The following SLC25A13 variants were observed in gnomAD, a reference collection of about 807,000 sequenced individuals.
The protein encoded by SLC25A13 is electrogenic aspartate/glutamate antiporter SLC25A13, mitochondrial.
Under a neutral mutation model 85.5 loss-of-function variants are expected in SLC25A13, and 70 were observed. That is an observed-to-expected ratio of 0.82 (90% CI 0.68 to 1.00). The LOEUF is 1.00. SLC25A13 is among the 50% of genes least tolerant of loss of function. SLC25A13 has a pLI of 0.00. For synonymous variants in SLC25A13, 259 were observed against 288.7 expected (o/e 0.90, Z 1.04); for missense variants, 765 against 819.8 (o/e 0.93, Z 0.82).
chr7:96,242,284 T>C (rs1028005523), intron 3 of SLC25A13, among the ~76,000 whole-genome samples: 3 of 152,214 alleles, frequency 2.0e-5, no homozygotes, highest in African/African-American at 7.2e-5. Flanking sequence ...TCTCCTGTGA[T>C]CACCAGTTTA....
intron 13 of SLC25A13, among the ~76,000 whole-genome samples, chr7:96,166,719 A>G (rs1793762550): frequency 6.6e-6 from 1 of 152,198 alleles, no homozygotes. Flanking sequence ...AGCAATAAAA[A>G]CAATATATTC....
intron 11 of SLC25A13, among the ~76,000 whole-genome samples, chr7:96,173,013 C>T (rs1794071738): frequency 6.6e-6 from 1 of 152,254 alleles, no homozygotes; most frequent in Non-Finnish European, 1.5e-5. Context: ...CTGCCTTGGC[C>T]TTCCAAAGTG....
chr7:96,306,372 G>C (rs1423525343), intron 1 of SLC25A13, among the ~76,000 whole-genome samples: 1 of 152,236 alleles, frequency 6.6e-6, no homozygotes, highest in Non-Finnish European at 1.5e-5. Flanking sequence ...TGACAGCCCA[G>C]TGCTTCTGGC....
chr7:96,191,370 T>C, intron 6 of SLC25A13, 123 bp from the exon 7 acceptor site: 1 of 1,029,678 alleles, frequency 9.7e-7, no homozygotes, highest in Non-Finnish European at 1.4e-6. Flanking sequence ...AAGAAATGAC[T>C]ATAAGTATTT....
intron 11 of SLC25A13, among the ~76,000 whole-genome samples, chr7:96,181,499 G>A (rs1415676693): frequency 6.6e-6 from 1 of 152,188 alleles, no homozygotes; most frequent in Non-Finnish European, 1.5e-5. Flanking sequence ...AACAGCTTCT[G>A]ATATTCTTGT....
intron 5 of SLC25A13, among the ~76,000 whole-genome samples, chr7:96,204,604 C>T (rs1795390122): frequency 6.6e-6 from 1 of 152,112 alleles, no homozygotes; most frequent in Non-Finnish European, 1.5e-5. Context: ...GAATACCTGC[C>T]ATTAGGGTTT....
chr7:96,276,994 T>C (rs1349714940), intron 3 of SLC25A13, among the ~76,000 whole-genome samples: 1 of 152,134 alleles, frequency 6.6e-6, no homozygotes, highest in Admixed American at 6.5e-5. Flanking sequence ...GAGTCAAATA[T>C]ATACATATTG....
chr7:96,297,335 A>G (rs996979098), intron 1 of SLC25A13, among the ~76,000 whole-genome samples: 3 of 151,408 alleles, frequency 2.0e-5, no homozygotes, highest in Admixed American at 2.0e-4. Flanking sequence ...AAGAGAACAT[A>G]TTTCTTTTTT....
chr7:96,122,132 T>A, intron 15 of SLC25A13, 135 bp from the exon 16 acceptor site: 1 of 1,141,784 alleles, frequency 8.8e-7, no homozygotes, highest in Non-Finnish European at 1.3e-6. Flanking sequence ...CTGTCCTCTA[T>A]GGGAAATGCA....
At chr7:96,296,631 C>A (rs994885531) in intron 2 of SLC25A13, among the ~76,000 whole-genome samples, 2 of 152,066 alleles carry the variant, frequency 1.3e-5, no homozygotes, top group Non-Finnish European at 2.9e-5. Flanking sequence ...CAGGCACGTG[C>A]CACCACACCT....
intron 11 of SLC25A13, among the ~76,000 whole-genome samples, 177 bp from the exon 12 acceptor site, chr7:96,171,701 C>T (rs555465094): frequency 3.3e-5 from 5 of 152,216 alleles, no homozygotes; most frequent in Admixed American, 6.5e-5. Context: ...TTCTAACAGC[C>T]GCATCAGTCC....
intron 1 of SLC25A13, among the ~76,000 whole-genome samples, chr7:96,319,043 C>T (rs1253757172): frequency 2.0e-5 from 3 of 152,180 alleles, no homozygotes; most frequent in African/African-American, 7.2e-5. Context: ...CAGAATCAAC[C>T]GATAAAGGTG....
At position 96,199,232 on chromosome 7, in the gene SLC25A13, G is replaced by C. The variant is rs185176377; in HGVS notation, c.469-6049C>G. ...TGCATCCAGGCAGTCGGCTTCTGGA[G>C]CCATGATGTTAGCCTACACAGACTG... On this transcript the variant is annotated intron_variant, in intron 5 of 17. Transcript: ENST00000265631. Among the ~76,000 whole-genome samples, 10 of 152,274 alleles carry C rather than the reference G, an allele frequency of 6.6e-5. No individual in the cohort carries two copies. In the South Asian group the frequency reaches 2.1e-3, roughly 32 times the overall value.
intron 5 of SLC25A13, among the ~76,000 whole-genome samples, chr7:96,201,977 G>A (rs1040346501): frequency 6.6e-6 from 1 of 152,108 alleles, no homozygotes. Context: ...ACCGTCACCC[G>A]GGAGCAGCAG....
chr7:96,148,811 G>C lies in SLC25A13; in HGVS notation c.1312-2115C>G, dbSNP rs145772828. On this transcript the variant is annotated intron_variant, in intron 13 of 17. Transcript: ENST00000265631. ...CCAAGCACTGCCAACAGCAGGGAAG[G>C]AGGCAGTTGAGTGTCCCACATGAAG... 2.8e-3 allele frequency among the ~76,000 whole-genome samples: 425 copies of C among 152,290 alleles called. 1 individual carries two copies. The highest frequency in any genetic ancestry group is 4.0e-3 in the Non-Finnish European group (274 of 68,008).
chr7:96,281,892 G>C (rs188058184), intron 2 of SLC25A13, among the ~76,000 whole-genome samples: 6 of 152,234 alleles, frequency 3.9e-5, no homozygotes, highest in African/African-American at 7.2e-5. Flanking sequence ...ACATGTCAAA[G>C]GTTGCTCCTT....
intron 2 of SLC25A13, among the ~76,000 whole-genome samples, chr7:96,291,464 C>T (rs548937114): frequency 6.6e-6 from 1 of 152,168 alleles, no homozygotes; most frequent in Admixed American, 6.5e-5. Flanking sequence ...CACAAAAAAC[C>T]CTTCCAAAAA....
In SLC25A13 at chr7:96,189,406, C is replaced by G. The variant is rs764936968; in HGVS notation, c.849-28G>C. On this transcript the variant is annotated intron_variant, in intron 8 of 17. Transcript: ENST00000265631. ...GTAGGGGAAAAACAAACACAAGCAA[C>G]AAATATACCAATTTATTACAATTTA... 5 of 1,592,488 alleles carry G rather than the reference C, an allele frequency of 3.1e-6. No individual in the cohort carries two copies. In the South Asian group the frequency reaches 5.5e-5, roughly 18 times the overall value.
chr7:96,128,232 G>A (rs1349485931), intron 15 of SLC25A13, among the ~76,000 whole-genome samples: 3 of 151,802 alleles, frequency 2.0e-5, no homozygotes, highest in African/African-American at 7.3e-5. Flanking sequence ...TTGATTTTCA[G>A]GTAAATAATC....
Sources: gnomAD v4.1 joint callset for allele counts (sites outside exome capture counted in the v4.1 genomes callset) on GRCh38, gnomAD v4.1.1 for gene constraint, MANE v1.5 for transcripts, NCBI Gene and HGNC (gene_info 2026-07-23, HGNC 2026-07-21) for gene names.